The following SYNPO2 variants were observed in gnomAD, a reference collection of about 807,000 sequenced individuals.
The protein encoded by SYNPO2 is synaptopodin-2.
A neutral mutation model predicts 85.0 loss-of-function variants in SYNPO2; 56 were observed. The ratio of observed to expected loss-of-function variants is 0.66; its 90% CI spans 0.53 to 0.82. The LOEUF is 0.82. Ranked by LOEUF, SYNPO2 falls within the 40% of genes least tolerant of loss-of-function variation. SYNPO2 has a pLI of 0.00. For missense variants in SYNPO2, 1,575 were observed against 1,534.2 expected (o/e 1.03, Z -0.44); for synonymous variants, 602 against 591.1 (o/e 1.02, Z -0.27).
At chr4:118,951,357 A>G (rs1734689861) in intron 1 of SYNPO2, among the ~76,000 whole-genome samples, 1 of 152,176 alleles carries the variant, frequency 6.6e-6, no homozygotes, top group Non-Finnish European at 1.5e-5. Flanking sequence ...GGTCCCCTCT[A>G]GCCCTTATAT....
rs1422721439 is a variant in SYNPO2, at chr4:119,031,663, A to G, written c.2888A>G (p.Asp963Gly). 1 of 1,614,042 alleles carries G rather than the reference A, an allele frequency of 6.2e-7. No individual in the cohort carries two copies. The highest frequency in any genetic ancestry group is 1.3e-5 in the African/African-American group (1 of 74,898). ...KKGKKPLNAL[D>G]VMKHQPYQLN... ...GGAAAGAAACCCCTCAATGCATTAG[A>G]TGTCATGAAGCACCAACCGTATCAG... Residue 963 changes from aspartate (D) to glycine (G), a missense_variant, in exon 4 of 5, where the codon GAT (aspartate) becomes GGT (glycine). Coordinates refer to ENST00000307142, the MANE Select transcript of SYNPO2 (RefSeq NM_133477.3).
chr4:119,034,567 A>G, intron 4 of SYNPO2: 2 of 985,514 alleles, frequency 2.0e-6, no homozygotes, highest in Non-Finnish European at 2.4e-6. Context: ...AGCATCTACA[A>G]CTTCAGCTGG....
chr4:118,856,970 A>G (rs191371617), intron 1 of SYNPO2, among the ~76,000 whole-genome samples: 6 of 152,312 alleles, frequency 3.9e-5, no homozygotes, highest in Non-Finnish European at 8.8e-5. Context: ...TAAAACATCA[A>G]TAAAAGCTCT....
intron 1 of SYNPO2, among the ~76,000 whole-genome samples, chr4:118,982,201 C>T (rs770472546): frequency 2.0e-5 from 3 of 151,400 alleles, no homozygotes; most frequent in Non-Finnish European, 4.4e-5. Context: ...TTGAGGCAGG[C>T]GCGCTGTAAA....
chr4:119,057,686 C>T lies in SYNPO2; in HGVS notation c.3538C>T (p.Leu1180=). ...PGPPEDWNER[L]SYIPQTQKAY... ...GCCTCCAGAGGATTGGAATGAAAGACTGTCCTATATTCCTCAAACCCAGAA... is the reference window on the plus strand; with the variant it reads ...GCCTCCAGAGGATTGGAATGAAAGATTGTCCTATATTCCTCAAACCCAGAA... Residue 1180 remains leucine (L), a synonymous_variant, in exon 5 of 5, where the codon CTG becomes TTG. Coordinates refer to ENST00000307142, the MANE Select transcript of SYNPO2 (RefSeq NM_133477.3). 6.2e-7 allele frequency: 1 copy of T among 1,614,166 alleles called. No homozygotes were observed. Among genetic ancestry groups the T allele is most frequent in the Non-Finnish European group, 8.5e-7 (1 of 1,180,036 alleles).
chr4:118,975,220 G>A (rs1735680696), intron 1 of SYNPO2, among the ~76,000 whole-genome samples: 1 of 152,174 alleles, frequency 6.6e-6, no homozygotes, highest in Admixed American at 6.5e-5. Context: ...AAAGGAGCTA[G>A]ACAAAGACCA....
chr4:118,919,322 G>C (rs1733456991), intron 1 of SYNPO2, among the ~76,000 whole-genome samples: 1 of 152,110 alleles, frequency 6.6e-6, no homozygotes, highest in African/African-American at 2.4e-5. Context: ...ATTGGACTTT[G>C]AGCTGAAACC....
chr4:119,007,424 A>C (rs1737124823), intron 1 of SYNPO2, among the ~76,000 whole-genome samples: 1 of 150,430 alleles, frequency 6.6e-6, no homozygotes, highest in African/African-American at 2.4e-5. Flanking sequence ...AAAAAAAAAC[A>C]TAAAACAAAA....
intron 4 of SYNPO2, chr4:119,035,262 T>C: frequency 1.0e-6 from 1 of 985,456 alleles, no homozygotes; most frequent in South Asian, 4.7e-5. Flanking sequence ...TGTGCTATAA[T>C]GAATCTGCAT....
intron 1 of SYNPO2, among the ~76,000 whole-genome samples, chr4:118,875,275 T>C (rs1731883984): frequency 6.6e-6 from 1 of 152,230 alleles, no homozygotes; most frequent in African/African-American, 2.4e-5. Context: ...GCATTTAGAT[T>C]GGAATAACAG....
intron 1 of SYNPO2, among the ~76,000 whole-genome samples, chr4:119,012,467 G>A (rs944352274): frequency 2.0e-5 from 3 of 149,696 alleles, no homozygotes; most frequent in African/African-American, 4.9e-5. Context: ...TGTCATGGTG[G>A]TTTGCTGCAC....
rs1253446591 is a variant in SYNPO2, at chr4:119,026,639, A to G, written c.270A>G (p.Gly90=). ...TTTCTGTGTGCAGACCATCCAGTGGAATAAGTGAGGCTTTGATATCTGAAA... is the reference window on the plus strand; with the variant it reads ...TTTCTGTGTGCAGACCATCCAGTGGGATAAGTGAGGCTTTGATATCTGAAA... ...LQMLIKRPSS[G]ISEALISENE... is the part of the protein sequence containing the mutation. Residue 90 remains glycine (G), a synonymous_variant, in exon 3 of 5, where the codon GGA becomes GGG. Coordinates refer to ENST00000307142, the MANE Select transcript of SYNPO2 (RefSeq NM_133477.3). 11 of 1,604,186 alleles carry G rather than the reference A, an allele frequency of 6.9e-6. No homozygotes were observed. The highest frequency in any genetic ancestry group is 8.5e-6 in the Non-Finnish European group (10 of 1,175,300).
At chr4:119,003,197 A>G (rs1578632384) in intron 1 of SYNPO2, among the ~76,000 whole-genome samples, 1 of 152,190 alleles carries the variant, frequency 6.6e-6, no homozygotes, top group Non-Finnish European at 1.5e-5. Context: ...GGGAGGCCTC[A>G]GGAAACTTAC....
chr4:118,863,962 T>C (rs1255405734), intron 1 of SYNPO2, among the ~76,000 whole-genome samples: 1 of 152,212 alleles, frequency 6.6e-6, no homozygotes, highest in East Asian at 1.9e-4. Context: ...TTATTTATGC[T>C]CTGATCTTTA....
chr4:118,927,762 T>TAGACAGATAGATG (rs1560874443), intron 1 of SYNPO2, among the ~76,000 whole-genome samples: 3 of 79,938 alleles, frequency 3.8e-5, no homozygotes, highest in Non-Finnish European at 7.8e-5. Flanking sequence ...TAGATAGATA[T>TAGACAGATAGATG]ATAGATAGAT....
intron 1 of SYNPO2, among the ~76,000 whole-genome samples, chr4:118,994,234 C>T (rs1047240820): frequency 1.1e-4 from 17 of 152,172 alleles, no homozygotes; most frequent in African/African-American, 4.1e-4. Flanking sequence ...AGCAGAAAAC[C>T]CTGCCATCAG....
intron 1 of SYNPO2, among the ~76,000 whole-genome samples, chr4:118,918,759 A>AT (rs915188270): frequency 6.6e-5 from 10 of 152,292 alleles, no homozygotes; most frequent in African/African-American, 2.2e-4. Context: ...TCGGGATAAG[A>AT]TTTTCATTTG....
chr4:119,035,627 T>G (rs1738476706), intron 4 of SYNPO2: 1 of 985,238 alleles, frequency 1.0e-6, no homozygotes, highest in South Asian at 4.7e-5. Context: ...TTATTTAATT[T>G]TCACAAGAAG....
intron 1 of SYNPO2, among the ~76,000 whole-genome samples, chr4:118,988,703 G>T (rs1323166549): frequency 6.6e-6 from 1 of 152,136 alleles, no homozygotes; most frequent in Non-Finnish European, 1.5e-5. Flanking sequence ...AGGAGTTTCA[G>T]GTCCAGACAT....
Sources: allele counts gnomAD v4.1 joint callset (sites outside exome capture counted in the v4.1 genomes callset), GRCh38; gene constraint gnomAD v4.1.1; transcripts MANE v1.5; gene names NCBI Gene and HGNC (gene_info 2026-07-23, HGNC 2026-07-21).